PTPN5: variants seen among roughly 807,000 people sequenced by gnomAD.
The protein encoded by PTPN5 is protein tyrosine phosphatase non-receptor type 5.
PTPN5 carries 29 observed loss-of-function variants against 73.9 expected under a neutral mutation model. The observed-to-expected ratio is 0.39, with a 90% CI of 0.29 to 0.54. PTPN5 has a LOEUF of 0.54. Among genes scored for constraint, PTPN5 ranks in the 20% least tolerant of loss-of-function variants. The probability of loss-of-function intolerance (pLI) is 0.65; values close to 1 mark genes in which losing one functional copy is unlikely to be tolerated. For synonymous variants in PTPN5, 267 were observed against 304.7 expected (o/e 0.88, Z 1.29); for missense variants, 652 against 751.4 (o/e 0.87, Z 1.55).
chr11:18,733,485 A>G lies in PTPN5; in HGVS notation c.1080+71T>C. 1.2e-6 allele frequency: 2 copies of G among 1,612,680 alleles called. No homozygotes were observed. Among genetic ancestry groups the G allele is most frequent in the Non-Finnish European group, 8.5e-7 (1 of 1,178,980 alleles). On this transcript the variant is annotated intron_variant, in intron 10 of 14. Coordinates refer to ENST00000358540, the MANE Select transcript of PTPN5 (RefSeq NM_006906.2). The surrounding 1 kb of genome is among the most constrained non-coding windows in gnomAD (Gnocchi z 4.3). The stretch of plus-strand genomic sequence containing the variant: ...CAGGAGCCAGACTGGTGTAGGGACA[A>G]GGCTGGAGGATGGATCCCATCGACT...
At position 18,744,053 on chromosome 11, in the gene PTPN5, G is replaced by A. The variant is rs1206812067; in HGVS notation, c.244C>T (p.Leu82Phe). ...AGGCACAGGCTGCTCCTGACAGTGAGGGAGTGGCTCCCAGCGCCTCGAGGT... is the reference window on the plus strand; with the variant it reads ...AGGCACAGGCTGCTCCTGACAGTGAAGGAGTGGCTCCCAGCGCCTCGAGGT... ...PPPRGAGSHS[L>F]TVRSSLCLFA... The change falls in exon 4 of 15, where the codon CTC (leucine) becomes TTC (phenylalanine). Residue 82 changes from leucine to phenylalanine, a missense_variant. Physicochemically the swap from Leu to Phe is conservative, Grantham distance 22 (BLOSUM62 0). Around this residue, in one of 3 missense-constraint regions of PTPN5, gnomAD observed 529 missense variants for 573.9 expected, o/e 0.92. Transcript: ENST00000358540. The A allele has an allele frequency of 3.7e-6, 6 of 1,609,912 alleles. No individual in the cohort carries two copies. Among genetic ancestry groups the A allele is most frequent in the Non-Finnish European group, 5.1e-6 (6 of 1,178,126 alleles).
intron 9 of PTPN5, 127 bp downstream of exon 9, chr11:18,737,753 A>T (rs933583089): frequency 1.2e-6 from 1 of 800,048 alleles, no homozygotes; most frequent in Admixed American, 2.0e-5. Flanking sequence ...AGCAACCCCC[A>T]GCCCTCTGTC....
rs1417409471 is a variant in PTPN5 at position 18,729,310 on chromosome 11, C to T, written c.1604+143G>A. ...TCCTGCCCCTCTACCCAGCTGTCCTCGCTACTCCTTGTCTGCCCATCAGTC... is the reference window on the plus strand; with the variant it reads ...TCCTGCCCCTCTACCCAGCTGTCCTTGCTACTCCTTGTCTGCCCATCAGTC... On this transcript the variant is annotated intron_variant, in intron 14 of 14. Coordinates refer to ENST00000358540, the MANE Select transcript of PTPN5 (RefSeq NM_006906.2). This position sits in a 1 kb window ranked among gnomAD's most constrained non-coding sequence, Gnocchi z 5.2. The T allele has an allele frequency of 9.9e-5, 63 of 633,730 alleles. No individual in the cohort carries two copies. Among genetic ancestry groups the T allele is most frequent in the Non-Finnish European group, 1.1e-4 (37 of 350,034 alleles). 39.3% of individuals were successfully genotyped at this position (633,730 alleles called of 1,614,324 possible).
intron 1 of PTPN5, among the ~76,000 whole-genome samples, chr11:18,784,162 T>A (rs1458828122): frequency 6.6e-6 from 1 of 152,094 alleles, no homozygotes; most frequent in Non-Finnish European, 1.5e-5. Flanking sequence ...GCAATTCCAC[T>A]GCGAGGTATA....
intron 3 of PTPN5, chr11:18,744,478 C>G: frequency 3.2e-6 from 1 of 311,784 alleles, no homozygotes; most frequent in Non-Finnish European, 5.8e-6. Flanking sequence ...ATTTACGCAG[C>G]TTCATTCTTT....
At chr11:18,773,077 C>A (rs1208954126) in intron 1 of PTPN5, among the ~76,000 whole-genome samples, 1 of 151,904 alleles carries the variant, frequency 6.6e-6, no homozygotes, top group Non-Finnish European at 1.5e-5. Context: ...AAGCAGGACA[C>A]ATTCAAGGAC....
In PTPN5 at chr11:18,729,178, C is replaced by T; in HGVS notation, c.1605-151G>A. Reference sequence around the variant, plus strand: ...CCTTGCCAACCATTACCCTCTGCCCCTTCCTATCAGGGACACAGATGACAT... The same window carrying T: ...CCTTGCCAACCATTACCCTCTGCCCTTTCCTATCAGGGACACAGATGACAT... On this transcript the variant is annotated intron_variant, in intron 14 of 14. Transcript: ENST00000358540. This position sits in a 1 kb window ranked among gnomAD's most constrained non-coding sequence, Gnocchi z 5.2. The T allele has an allele frequency of 1.4e-6, 1 of 717,460 alleles. No individual in the cohort carries two copies. Among genetic ancestry groups the T allele is most frequent in the Non-Finnish European group, 2.3e-6 (1 of 430,964 alleles). The allele number at this position is 717,460 out of a possible 1,614,324, so 44.4% of individuals were successfully genotyped here. A position where few individuals can be genotyped will look rare whatever the true frequency, so the allele number is the denominator to read the frequency against.
intron 3 of PTPN5, among the ~76,000 whole-genome samples, chr11:18,757,137 A>C (rs980349558): frequency 6.6e-6 from 1 of 152,166 alleles, no homozygotes; most frequent in Admixed American, 6.5e-5. Context: ...GACAATAAGA[A>C]ACCATAAAAA....
chr11:18,740,671 G>A lies in PTPN5; in HGVS notation c.847C>T (p.Arg283Cys), dbSNP rs200242288. 8.1e-6 allele frequency: 13 copies of A among 1,606,738 alleles called. No individual in the cohort carries two copies. The East Asian group carries it at 9.0e-5, about 11-fold the overall frequency. The change falls in exon 8 of 15, where the codon CGT becomes TGT. Residue 283 changes from arginine (R) to cysteine (C), a missense_variant. Physicochemically the swap from Arg to Cys is radical, Grantham distance 180 (BLOSUM62 -3). Transcript: ENST00000358540. ...TGAAGCTCTTCTGCTTGGAGGACAC[G>A]GGAGGCGCTGAGCAGGTACTCGCGG... ...SAREYLLSAS[R>C]VLQAEELHEK...
intron 3 of PTPN5, among the ~76,000 whole-genome samples, chr11:18,749,275 T>C (rs921082): frequency 0.32 from 48,829 of 152,046 alleles, 8,147 homozygotes; most frequent in Middle Eastern, 0.44. Context: ...GGGCTCCTCA[T>C]GGACTCACCT....
intron 3 of PTPN5, among the ~76,000 whole-genome samples, chr11:18,755,889 A>C (rs1850109431): frequency 6.6e-6 from 1 of 150,472 alleles, no homozygotes; most frequent in Non-Finnish European, 1.5e-5. Context: ...CTGTAATCCC[A>C]GTTACTTGGA....
At chr11:18,752,674 A>G (rs1003116093) in intron 3 of PTPN5, among the ~76,000 whole-genome samples, 23 of 152,276 alleles carry the variant, frequency 1.5e-4, no homozygotes. Context: ...ACAAAGGCTC[A>G]GTTCTTTGTG....
Position 18,742,058 on chromosome 11 carries a change from G to A in PTPN5, c.725+204C>T, listed in dbSNP as rs897418370. 4.6e-5 allele frequency among the ~76,000 whole-genome samples: 7 copies of A among 152,206 alleles called. 1 individual carries two copies. The highest frequency in any genetic ancestry group is 4.1e-4 in the South Asian group (2 of 4,838). ...TGAACATGTGTACACCTATGTGTGCGTGTGCAGTAACAGTATTTCTCAGCA... is the reference window on the plus strand; with the variant it reads ...TGAACATGTGTACACCTATGTGTGCATGTGCAGTAACAGTATTTCTCAGCA... On this transcript the variant is annotated intron_variant, in intron 7 of 14. Transcript: ENST00000358540. The surrounding 1 kb of genome is among the most constrained non-coding windows in gnomAD (Gnocchi z 4.1).
chr11:18,783,352 A>G (rs1294303190), intron 1 of PTPN5, among the ~76,000 whole-genome samples: 1 of 152,186 alleles, frequency 6.6e-6, no homozygotes, highest in Non-Finnish European at 1.5e-5. Context: ...TGCTGCTACT[A>G]TAGGAAAGCA....
intron 1 of PTPN5, among the ~76,000 whole-genome samples, chr11:18,783,033 C>T (rs550967381): frequency 6.6e-6 from 1 of 152,320 alleles, no homozygotes; most frequent in South Asian, 2.1e-4. Context: ...TGATGTGGCA[C>T]AGAAGGTGGA....
chr11:18,783,061 C>T (rs1448664739), intron 1 of PTPN5, among the ~76,000 whole-genome samples: 1 of 152,200 alleles, frequency 6.6e-6, no homozygotes, highest in African/African-American at 2.4e-5. Context: ...TTTTCACTGC[C>T]ACTCCTAGGC....
chr11:18,765,191 TC>T (rs1242738981), intron 3 of PTPN5, among the ~76,000 whole-genome samples: 3 of 152,096 alleles, frequency 2.0e-5, no homozygotes, highest in East Asian at 3.9e-4. Context: ...TGTAAAACTC[TC>T]CCCCCACCCC....
chr11:18,780,703 G>A (rs1458006011), intron 1 of PTPN5, among the ~76,000 whole-genome samples: 1 of 152,158 alleles, frequency 6.6e-6, no homozygotes, highest in South Asian at 2.1e-4. Flanking sequence ...GTCCCGGGCT[G>A]CTCCCTGGCT....
At chr11:18,743,205 C>T in intron 5 of PTPN5, 117 bp downstream of exon 5, 1 of 1,245,962 alleles carries the variant, frequency 8.0e-7, no homozygotes, top group Non-Finnish European at 1.2e-6. Flanking sequence ...AGAAGAACTT[C>T]AGGGGCTTGG....
Sources: allele counts gnomAD v4.1 joint callset (sites outside exome capture counted in the v4.1 genomes callset), GRCh38; gene constraint gnomAD v4.1.1; regional missense constraint gnomAD v4.1.1; non-coding constraint Gnocchi (gnomAD v3.1); transcripts MANE v1.5; gene names NCBI Gene and HGNC (gene_info 2026-07-23, HGNC 2026-07-21).